Variants in OXR1 observed in about 807,000 individuals in gnomAD.
The protein encoded by OXR1 is oxidation resistance 1.
A neutral mutation model predicts 104.6 loss-of-function variants in OXR1; 41 were observed. That is an observed-to-expected ratio of 0.39 (90% confidence interval 0.31 to 0.51). The LOEUF is 0.51. OXR1 is among the 20% of genes least tolerant of loss of function. The pLI is 0.77. For missense variants in OXR1, 955 were observed against 1,031.9 expected (o/e 0.93, Z 1.02); for synonymous variants, 348 against 348.4 (o/e 1.00, Z 0.01).
rs553428848 is a variant in OXR1 at position 106,504,039 on chromosome 8, A to G, written c.24-14904A>G. On this transcript the variant is annotated intron_variant, in intron 2 of 16. Transcript: ENST00000517566. ...CAGCTTTAAACACCTAACAAAATAC[A>G]AAGAGCTGATGCCAGCAAGTAAGAT... 3.9e-5 allele frequency among the ~76,000 whole-genome samples: 6 copies of G among 152,270 alleles called. No individual in the cohort carries two copies. The East Asian group carries it at 1.2e-3, about 29-fold the overall frequency.
chr8:106,727,790 C>T (rs1420175767), intron 11 of OXR1, among the ~76,000 whole-genome samples: 2 of 152,128 alleles, frequency 1.3e-5, no homozygotes, highest in East Asian at 3.9e-4. Flanking sequence ...AGCAAGAATG[C>T]TTCCTACTCA....
At chr8:106,704,415 T>C (rs1830932528) in intron 8 of OXR1, among the ~76,000 whole-genome samples, 1 of 96,946 alleles carries the variant, frequency 1.0e-5, no homozygotes, top group South Asian at 3.9e-4. Flanking sequence ...TTTTTTTTTT[T>C]TTTTTTTTTG....
chr8:106,376,028 T>G, intron 2 of OXR1, among the ~76,000 whole-genome samples: 1 of 152,062 alleles, frequency 6.6e-6, no homozygotes, highest in South Asian at 2.1e-4. Flanking sequence ...TTAAAAATAT[T>G]TTCAAAGGCA....
chr8:106,691,132 A>G (rs1829233176), intron 6 of OXR1, among the ~76,000 whole-genome samples: 1 of 152,050 alleles, frequency 6.6e-6, no homozygotes, highest in African/African-American at 2.4e-5. Flanking sequence ...TGCCCTAGCA[A>G]TGCTTTGCTT....
intron 1 of OXR1, among the ~76,000 whole-genome samples, chr8:106,296,914 G>A (rs866150456): frequency 4.1e-4 from 63 of 152,310 alleles, no homozygotes; most frequent in African/African-American, 1.4e-3. Context: ...AACAGATGCT[G>A]TATGAATATT....
intron 2 of OXR1, among the ~76,000 whole-genome samples, chr8:106,392,103 C>G (rs936856574): frequency 6.6e-6 from 1 of 152,218 alleles, no homozygotes; most frequent in African/African-American, 2.4e-5. Flanking sequence ...GCAGTTTGCT[C>G]TTGGTACTCT....
At chr8:106,511,222 G>T (rs1350298785) in intron 2 of OXR1, among the ~76,000 whole-genome samples, 1 of 152,106 alleles carries the variant, frequency 6.6e-6, no homozygotes, top group Non-Finnish European at 1.5e-5. Flanking sequence ...TATAGGAGGG[G>T]TAACAAAAAC....
chr8:106,405,141 CATATATATATAT>C lies in OXR1; in HGVS notation c.23+45555_23+45566del, dbSNP rs143485889. The stretch of plus-strand genomic sequence containing the variant: ...GATTAGAGAGCCAATTCAGAAACCA[CATATATATATAT>C]ATATATATATATATATATATATATA... On this transcript the variant is annotated intron_variant, in intron 2 of 16. Coordinates refer to ENST00000517566, the MANE Select transcript of OXR1 (RefSeq NM_001198533.2). 2.1e-3 allele frequency among the ~76,000 whole-genome samples: 168 copies of C among 79,796 alleles called. 2 individuals are homozygous for C. Among genetic ancestry groups the C allele is most frequent in the Middle Eastern group, 8.2e-3 (1 of 122 alleles). 52.3% of individuals were successfully genotyped at this position (79,796 alleles called of 152,430 possible).
At chr8:106,696,228 T>G (rs758051261) in intron 7 of OXR1, among the ~76,000 whole-genome samples, 6 of 152,200 alleles carry the variant, frequency 3.9e-5, no homozygotes, top group Admixed American at 1.3e-4. Flanking sequence ...AGAGTATGAT[T>G]GAATGAATTC....
intron 3 of OXR1, among the ~76,000 whole-genome samples, chr8:106,576,528 G>A (rs1186648397): frequency 6.7e-6 from 1 of 149,334 alleles, no homozygotes; most frequent in Non-Finnish European, 1.5e-5. Flanking sequence ...CAGAAGACCT[G>A]GGAAAGTTAT....
chr8:106,339,519 A>AAATAT (rs869120573), intron 1 of OXR1, among the ~76,000 whole-genome samples: 6 of 33,362 alleles, frequency 1.8e-4, no homozygotes, highest in Non-Finnish European at 2.1e-4. Flanking sequence ...AAAAAAAAAA[A>AAATAT]ATATATATAT....
chr8:106,462,251 A>G (rs1457845064), intron 2 of OXR1, among the ~76,000 whole-genome samples: 2 of 152,178 alleles, frequency 1.3e-5, no homozygotes, highest in East Asian at 3.9e-4. Flanking sequence ...ATGTATTCAC[A>G]TTCCTATAAT....
chr8:106,678,694 A>G (rs1342101741), intron 3 of OXR1, among the ~76,000 whole-genome samples: 1 of 152,054 alleles, frequency 6.6e-6, no homozygotes, highest in African/African-American at 2.4e-5. Context: ...TTTCTATATG[A>G]AAGCACACCT....
At chr8:106,356,003 C>A (rs578221682) in intron 1 of OXR1, among the ~76,000 whole-genome samples, 2 of 152,202 alleles carry the variant, frequency 1.3e-5, no homozygotes, top group East Asian at 3.9e-4. Flanking sequence ...AACACAACTC[C>A]GCTAAAACAA....
At chr8:106,688,319 G>T (rs1828942458) in intron 6 of OXR1, among the ~76,000 whole-genome samples, 2 of 151,868 alleles carry the variant, frequency 1.3e-5, no homozygotes, top group African/African-American at 4.8e-5. Context: ...TTCTCTTTAA[G>T]ATAAAACATG....
chr8:106,737,095 A>G (rs1418532805), intron 11 of OXR1, among the ~76,000 whole-genome samples: 3 of 152,100 alleles, frequency 2.0e-5, no homozygotes, highest in Non-Finnish European at 4.4e-5. Flanking sequence ...CAGCATGGCC[A>G]TTAGGATATA....
intron 2 of OXR1, among the ~76,000 whole-genome samples, chr8:106,480,474 T>C (rs565609555): frequency 6.6e-6 from 1 of 152,170 alleles, no homozygotes; most frequent in Non-Finnish European, 1.5e-5. Context: ...ATTTCCTTTG[T>C]ACTACTAATG....
At chr8:106,595,236 A>G (rs1218630759) in intron 3 of OXR1, among the ~76,000 whole-genome samples, 1 of 152,154 alleles carries the variant, frequency 6.6e-6, no homozygotes. Context: ...TCTCTGTTTA[A>G]AGAAGTATCA....
At chr8:106,554,983 T>G (rs969104352) in intron 3 of OXR1, among the ~76,000 whole-genome samples, 7 of 152,164 alleles carry the variant, frequency 4.6e-5, no homozygotes, top group Non-Finnish European at 8.8e-5. Context: ...TAAAACAAAT[T>G]AATGTATTAA....
Sources: allele counts gnomAD v4.1 joint callset (sites outside exome capture counted in the v4.1 genomes callset), GRCh38; gene constraint gnomAD v4.1.1; transcripts MANE v1.5; gene names NCBI Gene and HGNC (gene_info 2026-07-23, HGNC 2026-07-21).